Variants in CHST11 observed in about 807,000 individuals in gnomAD.
CHST11 encodes C4S-1.
In CHST11, 9 loss-of-function variants were observed where a neutral mutation model predicts 30.4. That is an observed-to-expected ratio of 0.30 (90% CI 0.18 to 0.52). CHST11 has a LOEUF of 0.52. Ranked by LOEUF, CHST11 falls within the 20% of genes least tolerant of loss-of-function variation. CHST11 has a pLI of 0.97. For synonymous variants in CHST11, 152 were observed against 187.8 expected (o/e 0.81, Z 1.56); for missense variants, 348 against 460.6 (o/e 0.76, Z 2.24).
chr12:104,560,864 G>A (rs2038506566), intron 1 of CHST11, among the ~76,000 whole-genome samples: 2 of 152,198 alleles, frequency 1.3e-5, no homozygotes, highest in African/African-American at 4.8e-5. Context: ...GAATGCCAAG[G>A]TGCTCACTGG....
intron 1 of CHST11, among the ~76,000 whole-genome samples, chr12:104,494,952 A>G (rs1274753606): frequency 1.3e-5 from 2 of 152,188 alleles, no homozygotes; most frequent in East Asian, 3.8e-4. Context: ...TGCTGTACCC[A>G]CTAAGCAAAC....
chr12:104,578,090 G>T (rs1382977961), intron 1 of CHST11, among the ~76,000 whole-genome samples: 2 of 152,168 alleles, frequency 1.3e-5, no homozygotes, highest in African/African-American at 4.8e-5. Context: ...GGGAGGTGCA[G>T]AAGTAGTGAA....
chr12:104,608,341 C>A (rs2039026549), intron 2 of CHST11, among the ~76,000 whole-genome samples: 1 of 152,058 alleles, frequency 6.6e-6, no homozygotes, highest in Admixed American at 6.6e-5. Flanking sequence ...ACACATAGTC[C>A]TCCTGTGCAA....
chr12:104,640,735 G>C (rs996071112), intron 2 of CHST11, among the ~76,000 whole-genome samples: 2 of 152,172 alleles, frequency 1.3e-5, no homozygotes, highest in African/African-American at 4.8e-5. Context: ...CAATTAATAA[G>C]AATGCATTGA....
At chr12:104,495,589 C>A (rs1308183997) in intron 1 of CHST11, among the ~76,000 whole-genome samples, 1 of 151,956 alleles carries the variant, frequency 6.6e-6, no homozygotes, top group Non-Finnish European at 1.5e-5. Flanking sequence ...CTTCAGGTAA[C>A]CAATACATAA....
At chr12:104,643,493 G>A (rs1356186242) in intron 2 of CHST11, among the ~76,000 whole-genome samples, 2 of 152,158 alleles carry the variant, frequency 1.3e-5, no homozygotes, top group Admixed American at 6.5e-5. Context: ...CCATGGTAGG[G>A]GCAGTGTGCC....
intron 1 of CHST11, among the ~76,000 whole-genome samples, chr12:104,461,313 C>T (rs1377001426): frequency 2.0e-5 from 3 of 152,228 alleles, no homozygotes; most frequent in Non-Finnish European, 2.9e-5. Context: ...ATAGAACAGA[C>T]ACCTTCTATG....
At chr12:104,602,133 G>A (rs191021001) in intron 2 of CHST11, 142 bp downstream of exon 2, 25 of 636,446 alleles carry the variant, frequency 3.9e-5, no homozygotes, top group East Asian at 3.8e-4. Flanking sequence ...TGCTTTCTCC[G>A]TCACCCTTTT....
intron 2 of CHST11, among the ~76,000 whole-genome samples, chr12:104,682,295 G>A (rs771174120): frequency 5.9e-5 from 9 of 152,204 alleles, no homozygotes; most frequent in African/African-American, 9.7e-5. Flanking sequence ...TATCAGGAAA[G>A]TTTTCTAAAG....
At chr12:104,684,405 A>C (rs1214510667) in intron 2 of CHST11, among the ~76,000 whole-genome samples, 1 of 152,190 alleles carries the variant, frequency 6.6e-6, no homozygotes, top group African/African-American at 2.4e-5. Flanking sequence ...TGAATGGCAG[A>C]GCTACTCAGC....
At chr12:104,743,182 C>T (rs759854626) in intron 2 of CHST11, among the ~76,000 whole-genome samples, 1 of 152,170 alleles carries the variant, frequency 6.6e-6, no homozygotes, top group Admixed American at 6.5e-5. Flanking sequence ...TCAGAGTTAA[C>T]GTTCAAGAAG....
intron 2 of CHST11, among the ~76,000 whole-genome samples, chr12:104,611,670 C>G (rs1314023152): frequency 6.6e-6 from 1 of 152,172 alleles, no homozygotes; most frequent in Non-Finnish European, 1.5e-5. Context: ...GGCTGGCCAT[C>G]AGGGTGGACG....
At chr12:104,464,985 G>T (rs2037444509) in intron 1 of CHST11, among the ~76,000 whole-genome samples, 3 of 152,174 alleles carry the variant, frequency 2.0e-5, no homozygotes, top group Admixed American at 2.0e-4. Context: ...TGCAATTTGT[G>T]TTGTGATTGA....
At chr12:104,643,144 T>G (rs984825932) in intron 2 of CHST11, among the ~76,000 whole-genome samples, 1 of 151,938 alleles carries the variant, frequency 6.6e-6, no homozygotes, top group Non-Finnish European at 1.5e-5. Context: ...GGCAACATAG[T>G]GAGACCCCTG....
intron 2 of CHST11, among the ~76,000 whole-genome samples, chr12:104,747,942 A>T (rs1172865105): frequency 1.3e-5 from 2 of 152,218 alleles, no homozygotes; most frequent in Admixed American, 1.3e-4. Context: ...AAACGTAGTA[A>T]AATTTTAAAG....
intron 2 of CHST11, among the ~76,000 whole-genome samples, chr12:104,617,377 A>T (rs139471306): frequency 4.0e-4 from 61 of 152,020 alleles, no homozygotes; most frequent in African/African-American, 1.4e-3. Flanking sequence ...TCTCACCTTC[A>T]CTCCAGCATT....
intron 2 of CHST11, among the ~76,000 whole-genome samples, chr12:104,645,904 C>G (rs2039425068): frequency 6.6e-6 from 1 of 152,188 alleles, no homozygotes; most frequent in African/African-American, 2.4e-5. Context: ...CCACCCTCAC[C>G]AGCTCTGCCT....
intron 1 of CHST11, among the ~76,000 whole-genome samples, chr12:104,490,296 A>C (rs1448408565): frequency 6.6e-6 from 1 of 152,184 alleles, no homozygotes; most frequent in Non-Finnish European, 1.5e-5. Context: ...ATAGGAGATA[A>C]AGATGGCAGA....
chr12:104,561,185 T>C (rs200982270), intron 1 of CHST11, among the ~76,000 whole-genome samples: 4 of 80,064 alleles, frequency 5.0e-5, no homozygotes, highest in African/African-American at 1.9e-4. Context: ...CAGATAGCAA[T>C]GGCTTTCAGA....
Sources: allele counts gnomAD v4.1 joint callset (sites outside exome capture counted in the v4.1 genomes callset), GRCh38; gene constraint gnomAD v4.1.1; transcripts MANE v1.5; gene names NCBI Gene and HGNC (gene_info 2026-07-23, HGNC 2026-07-21).